The following PCYT1B variants were observed in gnomAD, a reference collection of about 807,000 sequenced individuals.
PCYT1B encodes the protein choline-phosphate cytidylyltransferase B.
In PCYT1B, 10 loss-of-function variants were observed where a neutral mutation model predicts 26.4. That is an observed-to-expected ratio of 0.38 (90% CI 0.23 to 0.64). The LOEUF is 0.64. Ranked by LOEUF, PCYT1B falls within the 30% of genes least tolerant of loss-of-function variation. The pLI is 0.56. For missense variants in PCYT1B, 161 were observed against 292.7 expected (o/e 0.55, Z 3.28); for synonymous variants, 131 against 108.4 (o/e 1.21, Z -1.29).
chrX:24,647,751 G>C (rs1026028981), upstream of PCYT1B, among the ~76,000 whole-genome samples: 4 of 111,003 alleles, frequency 3.6e-5, no homozygotes, highest in African/African-American at 1.4e-4. Context: ...CTAATTGCCA[G>C]TGGAGGGCCC....
chrX:24,596,812 G>A (rs998981736), intron 3 of PCYT1B, among the ~76,000 whole-genome samples: 30 of 110,808 alleles, frequency 2.7e-4, no homozygotes, highest in African/African-American at 7.9e-4. Flanking sequence ...TGAAGTCTTC[G>A]CTCCACCCAA....
At chrX:24,600,928 A>G (rs1180684762) in intron 3 of PCYT1B, among the ~76,000 whole-genome samples, 1 of 71,590 alleles carries the variant, frequency 1.4e-5, no homozygotes, top group African/African-American at 4.0e-5. Flanking sequence ...GGACATTCAC[A>G]TGCAAAAAAA....
chrX:24,630,983 C>T (rs1267892587), intron 1 of PCYT1B, among the ~76,000 whole-genome samples: 5 of 111,254 alleles, frequency 4.5e-5, no homozygotes, highest in East Asian at 2.8e-4. Flanking sequence ...AGTGCAGTGG[C>T]GCGATCTCAG....
intron 7 of PCYT1B, among the ~76,000 whole-genome samples, chrX:24,564,647 C>T (rs186165406): frequency 5.2e-4 from 58 of 111,058 alleles, no homozygotes; most frequent in African/African-American, 1.6e-3. Flanking sequence ...CCACCGCGCC[C>T]GGCCAGTTCT....
At chrX:24,646,830 A>G (rs1345469815) in intron 1 of PCYT1B, among the ~76,000 whole-genome samples, 159 bp downstream of exon 1, 1 of 112,021 alleles carries the variant, frequency 8.9e-6, no homozygotes, top group Non-Finnish European at 1.9e-5. Context: ...CGCCCGGTAT[A>G]GAAGCTAAGT....
At chrX:24,658,163 G>T (rs917284800) in intron 1 of PCYT1B, 1 of 111,612 alleles carries the variant, frequency 9.0e-6, no homozygotes, top group Non-Finnish European at 1.9e-5. Context: ...ACGCCAGGAG[G>T]GATACATTCA....
intron 4 of PCYT1B, among the ~76,000 whole-genome samples, chrX:24,588,960 A>G (rs961954532): frequency 9.0e-6 from 1 of 111,148 alleles, no homozygotes; most frequent in Non-Finnish European, 1.9e-5. Flanking sequence ...TTCCTCTCCA[A>G]TGTATAATAA....
Position 24,568,663 on chromosome X carries a change from A to G in PCYT1B, c.898-6158T>C, listed in dbSNP as rs895737921. 3.6e-5 allele frequency among the ~76,000 whole-genome samples: 4 copies of G among 112,097 alleles called. No homozygotes were observed. The South Asian group carries it at 1.5e-3, about 42-fold the overall frequency. On this transcript the variant is annotated intron_variant, in intron 7 of 7. Coordinates refer to ENST00000379144, the MANE Select transcript of PCYT1B (RefSeq NM_004845.5). ...TACTGATGCTATGACTAAGTCCCAG[A>G]GAGGCAAATGAACTTGCCTTAAGTC...
chrX:24,565,615 G>A (rs943247270), intron 7 of PCYT1B, among the ~76,000 whole-genome samples: 3 of 110,938 alleles, frequency 2.7e-5, no homozygotes, highest in African/African-American at 6.6e-5. Context: ...GCACCACAAG[G>A]AGACTGGATT....
chrX:24,599,386 T>C (rs1924888610), intron 3 of PCYT1B, among the ~76,000 whole-genome samples: 1 of 112,088 alleles, frequency 8.9e-6, no homozygotes, highest in Non-Finnish European at 1.9e-5. Flanking sequence ...TTCCATTCTA[T>C]CTACACATTT....
At position 24,660,349 on chromosome X, in the gene PCYT1B, G is replaced by C. The variant is rs1011641963; in HGVS notation, c.63+12221C>G. ...CAAAAGCAATCATTTTAAACACCTA[G>C]TCTACTAAAATGCCAGATGAGAGGC... On this transcript the variant is annotated intron_variant, in intron 1 of 7. Transcript: ENST00000379145. Among the ~76,000 whole-genome samples, 3 of 112,171 alleles carry C rather than the reference G, an allele frequency of 2.7e-5. No homozygotes were observed. In the East Asian group the frequency reaches 8.4e-4, roughly 31 times the overall value.
chrX:24,643,012 G>A (rs1926513181), intron 1 of PCYT1B, among the ~76,000 whole-genome samples: 1 of 111,892 alleles, frequency 8.9e-6, no homozygotes, highest in Non-Finnish European at 1.9e-5. Flanking sequence ...GGCCTTCTCA[G>A]TTGATCCATA....
intron 1 of PCYT1B, among the ~76,000 whole-genome samples, chrX:24,657,361 G>A (rs1424292768): frequency 8.9e-6 from 1 of 111,985 alleles, no homozygotes; most frequent in African/African-American, 3.2e-5. Context: ...TTATATTTGA[G>A]CATAATTTGG....
At chrX:24,606,179 G>A (rs61761899) in intron 3 of PCYT1B, among the ~76,000 whole-genome samples, 12 of 110,726 alleles carry the variant, frequency 1.1e-4, no homozygotes, top group East Asian at 8.5e-4. Flanking sequence ...TTACAAGAAC[G>A]TACTGAAAAC....
chrX:24,600,580 G>C (rs1194713731), intron 3 of PCYT1B, among the ~76,000 whole-genome samples: 1 of 110,936 alleles, frequency 9.0e-6, no homozygotes, highest in Admixed American at 9.7e-5. Flanking sequence ...ACCTCCAGGA[G>C]CTCAAGTAGG....
At chrX:24,652,844 G>A in intron 1 of PCYT1B, among the ~76,000 whole-genome samples, 1 of 111,774 alleles carries the variant, frequency 8.9e-6, no homozygotes, top group Admixed American at 9.5e-5. Flanking sequence ...AGCACTTTGG[G>A]AGGCTGAGGC....
chrX:24,600,892 T>C (rs1426777561), intron 3 of PCYT1B, among the ~76,000 whole-genome samples: 8 of 102,381 alleles, frequency 7.8e-5, no homozygotes, highest in African/African-American at 3.6e-5. Flanking sequence ...CAAGCAAACA[T>C]AGACCTTTCA....
intron 1 of PCYT1B, among the ~76,000 whole-genome samples, chrX:24,666,476 TA>T (rs993360056): frequency 8.9e-6 from 1 of 112,092 alleles, no homozygotes; most frequent in Non-Finnish European, 1.9e-5. Flanking sequence ...AGTTATTCTA[TA>T]CTTTTATTTA....
chrX:24,611,840 G>A (rs1337005481), intron 2 of PCYT1B, among the ~76,000 whole-genome samples: 2 of 110,486 alleles, frequency 1.8e-5, no homozygotes, highest in African/African-American at 3.3e-5. Flanking sequence ...TGGCGTGGTG[G>A]CGGACGCTTA....
Sources: allele counts gnomAD v4.1 joint callset (sites outside exome capture counted in the v4.1 genomes callset), GRCh38; gene constraint gnomAD v4.1.1; transcripts MANE v1.5; gene names NCBI Gene and HGNC (gene_info 2026-07-23, HGNC 2026-07-21).